ZC3H7A: variants seen among roughly 807,000 people sequenced by gnomAD.
The protein encoded by ZC3H7A is zinc finger CCCH domain-containing protein 7A.
In ZC3H7A, 44 loss-of-function variants were observed where a neutral mutation model predicts 125.5. That is an observed-to-expected ratio of 0.35 (90% CI 0.28 to 0.45). ZC3H7A has a LOEUF of 0.45. Among genes scored for constraint, ZC3H7A ranks in the 20% least tolerant of loss-of-function variants. The pLI, the probability that ZC3H7A is intolerant of heterozygous loss-of-function variation, is 1.00. For synonymous variants in ZC3H7A, 399 were observed against 391.2 expected (o/e 1.02, Z -0.23); for missense variants, 977 against 1,170.7 (o/e 0.83, Z 2.41).
At chr16:11,792,619 C>T (rs116004078) in intron 1 of ZC3H7A, among the ~76,000 whole-genome samples, 2,398 of 152,320 alleles carry the variant, frequency 0.016, 73 homozygotes, top group African/African-American at 0.055. Flanking sequence ...ATGCTTTATA[C>T]GTATTAAGTC....
chr16:11,774,173 T>C lies in ZC3H7A; in HGVS notation c.903+63A>G, dbSNP rs13334961. 8.1e-3 allele frequency: 11,582 copies of C among 1,425,570 alleles called. 828 individuals are homozygous for C. In the African/African-American group the frequency reaches 0.15, roughly 19 times the overall value. 88.3% of individuals were successfully genotyped at this position (1,425,570 alleles called of 1,614,324 possible). ...AATACTGAAAAAGTCTATCAAGTTATATTACAATTTTTAAAAAGTTAACTC... is the reference window on the plus strand; with the variant it reads ...AATACTGAAAAAGTCTATCAAGTTACATTACAATTTTTAAAAAGTTAACTC... On this transcript the variant is annotated intron_variant, in intron 9 of 22. Coordinates refer to ENST00000355758, the MANE Select transcript of ZC3H7A (RefSeq NM_014153.4).
At chr16:11,782,532 G>T in intron 1 of ZC3H7A, 144 bp from the exon 2 acceptor site, 1 of 650,732 alleles carries the variant, frequency 1.5e-6, no homozygotes, top group Non-Finnish European at 2.7e-6. Flanking sequence ...GGACGGCAGG[G>T]ACCGTACAGG....
rs200244409 is a variant in ZC3H7A at position 11,771,024 on chromosome 16, A to G, written c.904-37T>C. ...AAAAAGATGTGATTAAAATTCATGA[A>G]GCTGTCATGGGTTTGGCTGAACTAC... On this transcript the variant is annotated intron_variant, in intron 9 of 22. Transcript: ENST00000355758. 10 of 1,570,764 alleles carry G rather than the reference A, an allele frequency of 6.4e-6. No individual in the cohort carries two copies. The East Asian group carries it at 2.0e-4, about 32-fold the overall frequency.
chr16:11,794,137 T>C (rs893798521), intron 1 of ZC3H7A, among the ~76,000 whole-genome samples: 1 of 152,136 alleles, frequency 6.6e-6, no homozygotes, highest in African/African-American at 2.4e-5. Context: ...TCATGACAAA[T>C]GATTTGCCTG....
At chr16:11,782,741 G>T (rs775579100) in intron 1 of ZC3H7A, 1 of 161,178 alleles carries the variant, frequency 6.2e-6, no homozygotes, top group Non-Finnish European at 1.3e-5. Context: ...TCAGCCTCCT[G>T]AGTGGCTGGG....
rs573623978 is a variant in ZC3H7A at position 11,751,292 on chromosome 16, G to C, written c.*25C>G. 3.8e-6 allele frequency: 6 copies of C among 1,594,376 alleles called. No homozygotes were observed. The highest frequency in any genetic ancestry group is 5.1e-6 in the Non-Finnish European group (6 of 1,169,464). On this transcript the variant is annotated 3_prime_UTR_variant, in exon 23 of 23. Coordinates refer to ENST00000355758, the MANE Select transcript of ZC3H7A (RefSeq NM_014153.4). ...ATTTTTCTGGTCAATGCTCTGATTAGGTATCATACATAAAAGCCAGCATAT... is the reference window on the plus strand; with the variant it reads ...ATTTTTCTGGTCAATGCTCTGATTACGTATCATACATAAAAGCCAGCATAT...
chr16:11,758,589 C>T (rs752764526), intron 19 of ZC3H7A, 50 bp from the exon 20 acceptor site: 34 of 1,357,422 alleles, frequency 2.5e-5, no homozygotes, highest in Middle Eastern at 1.8e-4. Context: ...CCTAGTAAAA[C>T]GGCCTAATTT....
At chr16:11,787,985 G>A (rs1245917598) in intron 1 of ZC3H7A, among the ~76,000 whole-genome samples, 1 of 151,420 alleles carries the variant, frequency 6.6e-6, no homozygotes, top group Non-Finnish European at 1.5e-5. Flanking sequence ...ACAGGTGTGA[G>A]CCCCCTCGTC....
rs976134933 is a variant in ZC3H7A at position 11,782,679 on chromosome 16, G to C, written c.-34-291C>G. The stretch of plus-strand genomic sequence containing the variant: ...CTGGAGTGCAGTGGCGCGATCTCGC[G>C]ATCTCGGCTCACTGCAAACTTCACC... On this transcript the variant is annotated intron_variant, in intron 1 of 22. Coordinates refer to ENST00000355758, the MANE Select transcript of ZC3H7A (RefSeq NM_014153.4). 5 of 189,368 alleles carry C rather than the reference G, an allele frequency of 2.6e-5. No homozygotes were observed. In the South Asian group the frequency reaches 5.5e-4, roughly 21 times the overall value. The allele number at this position is 189,368 out of a possible 1,614,324, so 11.7% of individuals were successfully genotyped here.
chr16:11,789,533 C>T (rs2053315873), intron 1 of ZC3H7A, among the ~76,000 whole-genome samples: 1 of 152,170 alleles, frequency 6.6e-6, no homozygotes, highest in African/African-American at 2.4e-5. Flanking sequence ...GAATAACAGG[C>T]ATGAGCCACT....
chr16:11,772,519 G>A (rs2053003349), intron 9 of ZC3H7A, among the ~76,000 whole-genome samples: 1 of 151,702 alleles, frequency 6.6e-6, no homozygotes, highest in Non-Finnish European at 1.5e-5. Flanking sequence ...CTATGATGAA[G>A]TAACTTGCCC....
chr16:11,759,042 T>A (rs1947123435), intron 19 of ZC3H7A: 2 of 153,384 alleles, frequency 1.3e-5, no homozygotes, highest in Non-Finnish European at 2.9e-5. Context: ...ACATATGCAT[T>A]ATCAGAAGAC....
At position 11,770,948 on chromosome 16, in the gene ZC3H7A, C is replaced by A. The variant is rs1252507393; in HGVS notation, c.943G>T (p.Val315Phe). 1.2e-6 allele frequency: 2 copies of A among 1,613,538 alleles called. No homozygotes were observed. The highest frequency in any genetic ancestry group is 3.3e-5 in the Admixed American group (2 of 59,956). ...LVRGPLQTAS[V>F]SPSMPFSASL... ...GCCGAAAAGGGCATGCTAGGAGAGA[C>A]ACTGGCTGTCTGAAGGGGTCCTCTG... The change falls in exon 10 of 23, where the codon GTC becomes TTC. Residue 315 changes from valine to phenylalanine, a missense_variant. Coordinates refer to ENST00000355758, the MANE Select transcript of ZC3H7A (RefSeq NM_014153.4).
chr16:11,765,069 C>T lies in ZC3H7A; in HGVS notation c.1804G>A (p.Glu602Lys). The change falls in exon 15 of 23, where the codon GAG becomes AAG. Residue 602 changes from glutamate to lysine, a missense_variant. By Grantham distance (56) the Glu-to-Lys change is moderately conservative (BLOSUM62 1). Around this residue, in one of 3 missense-constraint regions of ZC3H7A, gnomAD observed 436 missense variants for 603.2 expected, o/e 0.72. Transcript: ENST00000355758. This position sits in a 1 kb window ranked among gnomAD's most constrained non-coding sequence, Gnocchi z 4.8. ...TACSHPVTKH[E>K]FEDNKCLVHI... Reference sequence around the variant, plus strand: ...TCAACATACTTATTGTCTTCAAACTCATGCTTTGTAACCGGGTGAGAACAA... The same window carrying T: ...TCAACATACTTATTGTCTTCAAACTTATGCTTTGTAACCGGGTGAGAACAA... 1.3e-6 allele frequency: 2 copies of T among 1,580,558 alleles called. No individual in the cohort carries two copies. Among genetic ancestry groups the T allele is most frequent in the Non-Finnish European group, 8.6e-7 (1 of 1,163,772 alleles).
intron 3 of ZC3H7A, among the ~76,000 whole-genome samples, chr16:11,780,113 CTTTT>C (rs971476261): frequency 2.5e-4 from 36 of 146,030 alleles, no homozygotes; most frequent in African/African-American, 7.6e-4. Flanking sequence ...TAGTTTAGTT[CTTTT>C]TTTTCTTTTC....
intron 21 of ZC3H7A, chr16:11,753,818 G>C (rs1321225792): frequency 6.6e-6 from 1 of 152,050 alleles, no homozygotes; most frequent in Non-Finnish European, 1.5e-5. Context: ...CCAGCTAATT[G>C]TTTGCATTTT....
intron 7 of ZC3H7A, among the ~76,000 whole-genome samples, chr16:11,775,320 G>A (rs1324035079): frequency 6.6e-6 from 1 of 151,316 alleles, no homozygotes; most frequent in Non-Finnish European, 1.5e-5. Flanking sequence ...GCAGTGAGCT[G>A]AGATAGCGCC....
intron 7 of ZC3H7A, among the ~76,000 whole-genome samples, chr16:11,775,992 G>A (rs1017281074): frequency 1.3e-5 from 2 of 149,522 alleles, no homozygotes; most frequent in African/African-American, 2.5e-5. Flanking sequence ...AAACCCCATC[G>A]CTACAAAAAA....
chr16:11,773,630 C>T (rs931372487), intron 9 of ZC3H7A, among the ~76,000 whole-genome samples: 3 of 151,790 alleles, frequency 2.0e-5, no homozygotes, highest in African/African-American at 7.3e-5. Flanking sequence ...CGCTTGTAAT[C>T]CCAGCACTTT....
Sources: allele counts gnomAD v4.1 joint callset (sites outside exome capture counted in the v4.1 genomes callset), GRCh38; gene constraint gnomAD v4.1.1; regional missense constraint gnomAD v4.1.1; non-coding constraint Gnocchi (gnomAD v3.1); transcripts MANE v1.5; gene names NCBI Gene and HGNC (gene_info 2026-07-23, HGNC 2026-07-21).